Variants in SGK1 observed in about 807,000 individuals in gnomAD.
SGK1 encodes the protein serine/threonine-protein kinase Sgk1.
Under a neutral mutation model 64.2 loss-of-function variants are expected in SGK1, and 26 were observed. The observed-to-expected ratio is 0.40, with a 90% CI of 0.30 to 0.56. SGK1 has a LOEUF of 0.56. Ranked by LOEUF, SGK1 falls within the 20% of genes least tolerant of loss-of-function variation. The pLI is 0.38. For missense variants in SGK1, 519 were observed against 645.6 expected, an observed-to-expected ratio of 0.80 and a Z score of 2.12; for synonymous variants, 265 against 239.7, an observed-to-expected ratio of 1.11 and a Z score of -0.98.
At chr6:134,242,694 G>A (rs1582737552) in intron 2 of SGK1, among the ~76,000 whole-genome samples, 1 of 151,360 alleles carries the variant, frequency 6.6e-6, no homozygotes, top group East Asian at 1.9e-4. Context: ...CGAACTCCTG[G>A]CCTCAAACAA....
intron 1 of SGK1, among the ~76,000 whole-genome samples, chr6:134,265,629 T>TAC (rs1201559792): frequency 7.2e-6 from 1 of 138,514 alleles, no homozygotes; most frequent in Non-Finnish European, 1.5e-5. Flanking sequence ...CATATATATA[T>TAC]ATACATATAT....
At chr6:134,263,416 T>C (rs1473049456) in intron 1 of SGK1, among the ~76,000 whole-genome samples, 1 of 151,474 alleles carries the variant, frequency 6.6e-6, no homozygotes, top group Non-Finnish European at 1.5e-5. Flanking sequence ...TTTTTTTTTT[T>C]GTAGAGATGA....
At chr6:134,189,568 AATAG>A (rs1775476668) in intron 3 of SGK1, among the ~76,000 whole-genome samples, 1 of 152,224 alleles carries the variant, frequency 6.6e-6, no homozygotes, top group Non-Finnish European at 1.5e-5. Flanking sequence ...GATTGTGCCA[AATAG>A]ATAAGACTAT....
chr6:134,185,367 C>G (rs1240543580), intron 3 of SGK1, among the ~76,000 whole-genome samples: 1 of 152,120 alleles, frequency 6.6e-6, no homozygotes, highest in African/African-American at 2.4e-5. Context: ...ATAGCCTTCT[C>G]TACACAATGA....
chr6:134,172,478 A>T, intron 9 of SGK1, 162 bp from the exon 10 acceptor site: 1 of 806,570 alleles, frequency 1.2e-6, no homozygotes, highest in Non-Finnish European at 2.0e-6. Flanking sequence ...ATTCTGGATT[A>T]GGCACAATCC....
chr6:134,237,330 T>G (rs1776380351), intron 2 of SGK1, among the ~76,000 whole-genome samples: 1 of 151,952 alleles, frequency 6.6e-6, no homozygotes, highest in African/African-American at 2.4e-5. Context: ...GTGCTAAGAT[T>G]ACAGTCATGA....
intron 1 of SGK1, among the ~76,000 whole-genome samples, chr6:134,316,419 TGG>T (rs1777685351): frequency 6.6e-6 from 1 of 152,120 alleles, no homozygotes; most frequent in Admixed American, 6.6e-5. Context: ...ATGGGGCAAC[TGG>T]GGACTGGAGG....
chr6:134,218,923 T>C (rs1040454252), intron 2 of SGK1, among the ~76,000 whole-genome samples: 2 of 152,194 alleles, frequency 1.3e-5, no homozygotes, highest in Admixed American at 6.5e-5. Context: ...TTAAAACACA[T>C]AACACATTTA....
intron 1 of SGK1, among the ~76,000 whole-genome samples, chr6:134,267,322 C>T (rs1034044732): frequency 4.0e-5 from 6 of 151,482 alleles, no homozygotes; most frequent in Non-Finnish European, 8.8e-5. Flanking sequence ...TACAGAGATA[C>T]AGTCTCACTC....
At chr6:134,189,782 C>T (rs1646456882) in intron 3 of SGK1, among the ~76,000 whole-genome samples, 1 of 152,096 alleles carries the variant, frequency 6.6e-6, no homozygotes, top group Admixed American at 6.6e-5. Flanking sequence ...CCTGACTTTC[C>T]TTTTTAAAAG....
At chr6:134,187,492 G>A (rs1054093655) in intron 3 of SGK1, among the ~76,000 whole-genome samples, 22 of 152,162 alleles carry the variant, frequency 1.4e-4, no homozygotes, top group African/African-American at 5.3e-4. Flanking sequence ...ACCATATACT[G>A]GATGTTGATT....
chr6:134,290,472 T>A (rs1028634403), intron 1 of SGK1, among the ~76,000 whole-genome samples: 3 of 151,330 alleles, frequency 2.0e-5, no homozygotes, highest in Non-Finnish European at 4.4e-5. Context: ...CAAGCTCCAT[T>A]TGGTTTGGGA....
chr6:134,274,474 A>C (rs1231071257), intron 1 of SGK1, among the ~76,000 whole-genome samples: 2 of 152,190 alleles, frequency 1.3e-5, no homozygotes, highest in African/African-American at 4.8e-5. Context: ...TTAGCTCTCA[A>C]GACTATATCC....
intron 2 of SGK1, among the ~76,000 whole-genome samples, chr6:134,236,070 G>A (rs572084177): frequency 5.3e-5 from 8 of 152,152 alleles, no homozygotes; most frequent in Admixed American, 2.0e-4. Flanking sequence ...ATTGTTTGAT[G>A]ATTCTATTAG....
At chr6:134,206,512 G>C (rs1014425779) in intron 3 of SGK1, among the ~76,000 whole-genome samples, 1 of 148,636 alleles carries the variant, frequency 6.7e-6, no homozygotes, top group Non-Finnish European at 1.5e-5. Flanking sequence ...ACGACAAAGG[G>C]ATCTAGTATA....
chr6:134,260,374 A>ACT (rs1776747108), intron 2 of SGK1: 1 of 113,164 alleles, frequency 8.8e-6, no homozygotes, highest in Non-Finnish European at 1.8e-5. Context: ...CCCGACCCCC[A>ACT]CCCCCCCCAA....
chr6:134,302,259 T>G (rs1223059269), intron 1 of SGK1, among the ~76,000 whole-genome samples: 1 of 152,230 alleles, frequency 6.6e-6, no homozygotes, highest in Non-Finnish European at 1.5e-5. Flanking sequence ...CAGTGCCTTG[T>G]GCATATGTAA....
chr6:134,298,102 G>T, intron 1 of SGK1: 1 of 1,342,448 alleles, frequency 7.4e-7, no homozygotes, highest in Non-Finnish European at 1.1e-6. Flanking sequence ...GCTCTACCTT[G>T]TTCATGTAAG....
At chr6:134,226,162 A>G (rs1036649808) in intron 2 of SGK1, among the ~76,000 whole-genome samples, 3 of 151,892 alleles carry the variant, frequency 2.0e-5, no homozygotes, top group Non-Finnish European at 2.9e-5. Context: ...AGAAGAAAAA[A>G]GAGAACAATC....
Sources: allele counts gnomAD v4.1 joint callset (sites outside exome capture counted in the v4.1 genomes callset), GRCh38; gene constraint gnomAD v4.1.1; transcripts MANE v1.5; gene names NCBI Gene and HGNC (gene_info 2026-07-23, HGNC 2026-07-21).